The following POTEC variants were observed in gnomAD, a reference collection of about 807,000 sequenced individuals.
The protein encoded by POTEC is POTE ankyrin domain family member C.
In POTEC, 35 loss-of-function variants were observed where a neutral mutation model predicts 62.0. The observed-to-expected ratio is 0.56, with a 90% CI of 0.43 to 0.75. The LOEUF is 0.75. POTEC is among the 30% of genes least tolerant of loss of function. The pLI, the probability that POTEC is intolerant of heterozygous loss-of-function variation, is 0.00. For missense variants in POTEC, 472 were observed against 655.9 expected, an observed-to-expected ratio of 0.72 and a Z score of 3.06; for synonymous variants, 156 against 221.5, an observed-to-expected ratio of 0.70 and a Z score of 2.62.
intron 3 of POTEC, among the ~76,000 whole-genome samples, chr18:14,535,819 G>C (rs976421745): frequency 2.6e-5 from 4 of 151,812 alleles, no homozygotes; most frequent in Admixed American, 6.6e-5. Context: ...AGTCCTGAGA[G>C]AGCCATCCTC....
chr18:14,536,141 C>T (rs969132572), intron 3 of POTEC, among the ~76,000 whole-genome samples: 4 of 151,248 alleles, frequency 2.6e-5, no homozygotes, highest in African/African-American at 4.9e-5. Context: ...GGAGGACCAC[C>T]AGAGCTTAGG....
At chr18:14,516,298 TTATA>T (rs200611192) in intron 9 of POTEC, among the ~76,000 whole-genome samples, 594 of 25,128 alleles carry the variant, frequency 0.024, 83 homozygotes, top group Admixed American at 0.034. Flanking sequence ...AAAGAAAATT[TTATA>T]TATATATATA....
At chr18:14,543,600 T>TGCCCGTGCGGGGCGCGCGTGCGGGGC (rs1906045703), upstream of POTEC, 1 of 210,836 alleles carries the variant, frequency 4.7e-6, no homozygotes, top group African/African-American at 3.2e-5. Flanking sequence ...CAAGCCGTTA[T>TGCCCGTGCGGGGCGCGCGTGCGGGGC]GCGCGTGCGG....
At chr18:14,534,005 T>C (rs1905620826) in intron 4 of POTEC, among the ~76,000 whole-genome samples, 1 of 150,478 alleles carries the variant, frequency 6.6e-6, no homozygotes. Context: ...ACATGTGCCA[T>C]GCTGGTGCGC....
At position 14,543,042 on chromosome 18, in the gene POTEC, G is replaced by A; in HGVS notation, c.105C>T (p.Cys35=). The A allele has an allele frequency of 6.2e-7, 1 of 1,606,094 alleles. No homozygotes were observed. The highest frequency in any genetic ancestry group is 8.5e-7 in the Non-Finnish European group (1 of 1,174,426). ...CCATGTTGCTCTTGCCGCTCCCCTT[G>A]CAGCAGGGGAAGCGGTGGTGAAACC... ...GKWFHHRFPC[C]KGSGKSNMGT... Residue 35 remains cysteine, a synonymous_variant, in exon 1 of 11, where the codon TGC becomes TGT. Transcript: ENST00000358970.
chr18:14,535,148 A>T (rs989028898), intron 3 of POTEC, 141 bp from the exon 4 acceptor site: 2 of 1,254,010 alleles, frequency 1.6e-6, no homozygotes, highest in Non-Finnish European at 2.2e-6. Context: ...GTACTTTCCC[A>T]CATGCCACTC....
chr18:14,529,639 G>A (rs1400920410), intron 6 of POTEC, among the ~76,000 whole-genome samples: 3 of 152,144 alleles, frequency 2.0e-5, no homozygotes, highest in African/African-American at 7.2e-5. Flanking sequence ...GCCTAGAAGT[G>A]GGCAATTTGT....
intron 1 of POTEC, among the ~76,000 whole-genome samples, chr18:14,540,297 A>G (rs1905888521): frequency 6.6e-6 from 1 of 152,230 alleles, no homozygotes; most frequent in Admixed American, 6.5e-5. Context: ...TGCAAGTAGC[A>G]TATTCCTTCT....
intron 3 of POTEC, 85 bp from the exon 4 acceptor site, chr18:14,535,092 C>A (rs534651190): frequency 1.3e-6 from 2 of 1,564,550 alleles, no homozygotes; most frequent in East Asian, 2.3e-5. Context: ...TGGACTTACA[C>A]TCACAGAAAG....
chr18:14,535,245 CTCTT>C (rs1355484090), intron 3 of POTEC, among the ~76,000 whole-genome samples: 1 of 146,960 alleles, frequency 6.8e-6, no homozygotes, highest in African/African-American at 2.6e-5. Context: ...GTTTCCAAGA[CTCTT>C]TGTTTCTAAA....
At chr18:14,527,360 A>G (rs1027953290) in intron 6 of POTEC, among the ~76,000 whole-genome samples, 5 of 152,148 alleles carry the variant, frequency 3.3e-5, no homozygotes, top group African/African-American at 1.2e-4. Context: ...AACACAAAGC[A>G]CATTTTGCAG....
rs1459398863 is a variant in POTEC, at chr18:14,511,638, G to A, written c.*260C>T. ...ATCTGACTTTGATCACAATCATGTA[G>A]AGCAGTAGTCAGTCTACAATGACAT... On this transcript the variant is annotated 3_prime_UTR_variant, in exon 11 of 11. Transcript: ENST00000358970. 7 of 559,030 alleles carry A rather than the reference G, an allele frequency of 1.3e-5. No individual in the cohort carries two copies. The highest frequency in any genetic ancestry group is 2.1e-5 in the South Asian group (1 of 47,282). The allele number at this position is 559,030 out of a possible 1,614,324, so 34.6% of individuals were successfully genotyped here.
intron 3 of POTEC, among the ~76,000 whole-genome samples, chr18:14,536,596 A>AG (rs1184549858): frequency 6.6e-6 from 1 of 151,892 alleles, no homozygotes; most frequent in African/African-American, 2.4e-5. Context: ...CAAAATCTTC[A>AG]GGGGAAAACC....
chr18:14,522,759 T>C (rs1910343108), intron 8 of POTEC, among the ~76,000 whole-genome samples: 1 of 151,830 alleles, frequency 6.6e-6, no homozygotes, highest in African/African-American at 2.4e-5. Flanking sequence ...CCCATTTGAC[T>C]CGTGGGAACA....
At chr18:14,517,453 G>A (rs543892483) in intron 9 of POTEC, among the ~76,000 whole-genome samples, 4 of 152,130 alleles carry the variant, frequency 2.6e-5, no homozygotes, top group African/African-American at 9.6e-5. Context: ...TCTTACTATA[G>A]GAAGCAAAAA....
chr18:14,523,841 G>A (rs1426227228), intron 7 of POTEC, among the ~76,000 whole-genome samples: 1 of 152,078 alleles, frequency 6.6e-6, no homozygotes, highest in African/African-American at 2.4e-5. Context: ...AATTTGTTAT[G>A]TGTTAAATCT....
intron 4 of POTEC, among the ~76,000 whole-genome samples, chr18:14,534,443 A>G (rs1159161678): frequency 6.6e-6 from 1 of 151,966 alleles, no homozygotes; most frequent in Non-Finnish European, 1.5e-5. Flanking sequence ...TTCTTCAAAG[A>G]AAGCAACTTA....
intron 8 of POTEC, 109 bp downstream of exon 8, chr18:14,523,354 T>TTATGC: frequency 8.0e-7 from 1 of 1,244,004 alleles, no homozygotes; most frequent in Non-Finnish European, 1.1e-6. Context: ...CACTGGTGAT[T>TTATGC]TATGCTACTT....
chr18:14,523,400 C>G (rs1044959013), intron 8 of POTEC, 63 bp downstream of exon 8: 2 of 1,376,956 alleles, frequency 1.5e-6, no homozygotes, highest in African/African-American at 2.9e-5. Context: ...ACTTACTACA[C>G]TTTGTTAAAC....
Sources: allele counts gnomAD v4.1 joint callset (sites outside exome capture counted in the v4.1 genomes callset), GRCh38; gene constraint gnomAD v4.1.1; transcripts MANE v1.5; gene names NCBI Gene and HGNC (gene_info 2026-07-23, HGNC 2026-07-21).